Variants in ZMYM2 observed in about 807,000 individuals in gnomAD.
ZMYM2 encodes the protein zinc finger MYM-type protein 2.
Under a neutral mutation model 162.8 loss-of-function variants are expected in ZMYM2, and 56 were observed. That is an observed-to-expected ratio of 0.34 (90% confidence interval 0.28 to 0.43). The LOEUF is 0.43. ZMYM2 is among the 20% of genes least tolerant of loss of function. The pLI is 1.00. For synonymous variants in ZMYM2, 510 were observed against 541.6 expected (o/e 0.94, Z 0.81); for missense variants, 1,275 against 1,621.8 (o/e 0.79, Z 3.67).
At chr13:20,054,003 A>G (rs1312412097) in intron 14 of ZMYM2, among the ~76,000 whole-genome samples, 3 of 152,196 alleles carry the variant, frequency 2.0e-5, no homozygotes. Flanking sequence ...TTCTCCTCCT[A>G]CAGCACTTGA....
intron 24 of ZMYM2, 99 bp downstream of exon 24, chr13:20,083,875 C>G: frequency 1.6e-6 from 2 of 1,225,040 alleles, no homozygotes. Context: ...TGGATTCTTT[C>G]TCAGATTTCT....
chr13:19,914,664 T>G, the ZMYM2 span, among the ~76,000 whole-genome samples: 6 of 152,218 alleles, frequency 3.9e-5, no homozygotes, highest in Non-Finnish European at 8.8e-5. Context: ...ATCTGTGCAT[T>G]TACGTAGTGT....
intron 21 of ZMYM2, among the ~76,000 whole-genome samples, chr13:20,073,758 A>G (rs1957263623): frequency 6.6e-6 from 1 of 152,230 alleles, no homozygotes; most frequent in East Asian, 1.9e-4. Context: ...TAGGACTTCA[A>G]TACCGTTAAG....
chr13:19,985,406 G>A (rs550548766), intron 2 of ZMYM2, among the ~76,000 whole-genome samples: 15 of 152,294 alleles, frequency 9.8e-5, no homozygotes, highest in Middle Eastern at 6.8e-3. Flanking sequence ...TCACAGGTGT[G>A]AGCTACCATG....
the ZMYM2 span, among the ~76,000 whole-genome samples, chr13:19,912,329 T>TTTTTTTG: frequency 6.7e-6 from 1 of 149,240 alleles, no homozygotes; most frequent in Non-Finnish European, 1.5e-5. Flanking sequence ...TTGTTTTTGT[T>TTTTTTTG]TTTTTTGTTT....
intron 11 of ZMYM2, among the ~76,000 whole-genome samples, chr13:20,035,372 AT>A (rs1953590723): frequency 6.6e-6 from 1 of 152,182 alleles, no homozygotes; most frequent in Non-Finnish European, 1.5e-5. Flanking sequence ...TCCTATTTAA[AT>A]TTAATTTTGT....
At chr13:19,881,980 CAAAAAA>C in the ZMYM2 span, among the ~76,000 whole-genome samples, 44 of 121,744 alleles carry the variant, frequency 3.6e-4, no homozygotes, top group Admixed American at 6.9e-4. Flanking sequence ...ACTCTGTATC[CAAAAAA>C]AAAAAAAAAA....
chr13:19,955,615 G>A (rs1030415987), upstream of ZMYM2, among the ~76,000 whole-genome samples: 1 of 151,980 alleles, frequency 6.6e-6, no homozygotes, highest in East Asian at 1.9e-4. Flanking sequence ...AAGTTACTTG[G>A]TCCTTATAAC....
the ZMYM2 span, among the ~76,000 whole-genome samples, chr13:19,924,125 A>G: frequency 6.6e-6 from 1 of 152,144 alleles, no homozygotes; most frequent in Non-Finnish European, 1.5e-5. Context: ...GATCTTTAGA[A>G]CTTTTTAATC....
the ZMYM2 span, among the ~76,000 whole-genome samples, chr13:19,885,829 A>AGAG: frequency 7.6e-6 from 1 of 131,056 alleles, no homozygotes; most frequent in African/African-American, 2.8e-5. Flanking sequence ...CCTGGGCAAC[A>AGAG]AGAGTGAAAC....
chr13:19,983,835 C>T (rs1948927591), intron 2 of ZMYM2, among the ~76,000 whole-genome samples: 2 of 151,850 alleles, frequency 1.3e-5, no homozygotes, highest in Admixed American at 6.6e-5. Flanking sequence ...CTCCATGTTG[C>T]CCAGGCTGGT....
the ZMYM2 span, among the ~76,000 whole-genome samples, chr13:19,947,227 A>AT: frequency 1.3e-5 from 2 of 150,010 alleles, no homozygotes; most frequent in African/African-American, 2.5e-5. Context: ...CGCCCGGCTA[A>AT]TTTTTTGTAT....
At chr13:19,900,631 G>C in the ZMYM2 span, among the ~76,000 whole-genome samples, 1 of 151,906 alleles carries the variant, frequency 6.6e-6, no homozygotes, top group East Asian at 1.9e-4. Flanking sequence ...CAAAGGCAAT[G>C]CAAGAAAACT....
intron 2 of ZMYM2, among the ~76,000 whole-genome samples, chr13:19,964,479 G>T (rs1301802007): frequency 6.6e-6 from 1 of 152,186 alleles, no homozygotes; most frequent in Non-Finnish European, 1.5e-5. Flanking sequence ...TGTCCACACT[G>T]CTCTCAAACT....
the ZMYM2 span, among the ~76,000 whole-genome samples, chr13:19,939,146 C>T: frequency 2.0e-5 from 3 of 151,096 alleles, no homozygotes; most frequent in African/African-American, 7.3e-5. Context: ...GCCTCAGGCT[C>T]CCGAGTAACT....
intron 7 of ZMYM2, among the ~76,000 whole-genome samples, chr13:20,021,607 G>T (rs529076165): frequency 6.6e-6 from 1 of 152,058 alleles, no homozygotes; most frequent in African/African-American, 2.4e-5. Context: ...TCATACTACC[G>T]CGGTGATACC....
At chr13:19,923,067 T>C in the ZMYM2 span, among the ~76,000 whole-genome samples, 2 of 146,640 alleles carry the variant, frequency 1.4e-5, no homozygotes, top group Non-Finnish European at 3.0e-5. Flanking sequence ...GGGCCGGATG[T>C]GATGGCTCAC....
At chr13:19,885,489 A>G in the ZMYM2 span, among the ~76,000 whole-genome samples, 1 of 152,158 alleles carries the variant, frequency 6.6e-6, no homozygotes, top group African/African-American at 2.4e-5. Flanking sequence ...ATTCAGGATT[A>G]CAACAGTGTT....
chr13:19,903,375 C>T, the ZMYM2 span, among the ~76,000 whole-genome samples: 5 of 150,280 alleles, frequency 3.3e-5, no homozygotes, highest in Admixed American at 2.0e-4. Flanking sequence ...CGCAGTGGCT[C>T]ACGCCTGTAA....
Sources: allele counts gnomAD v4.1 joint callset (sites outside exome capture counted in the v4.1 genomes callset), GRCh38; gene constraint gnomAD v4.1.1; transcripts MANE v1.5; gene names NCBI Gene and HGNC (gene_info 2026-07-23, HGNC 2026-07-21).